The following DOLK variants were observed in gnomAD, a reference collection of about 807,000 sequenced individuals.
The protein encoded by DOLK is dolichol kinase, also known as SEC59 homolog.
A neutral mutation model predicts 31.7 loss-of-function variants in DOLK; 20 were observed. The ratio of observed to expected loss-of-function variants is 0.63; its 90% CI spans 0.44 to 0.92. The LOEUF (loss-of-function observed/expected upper bound fraction) is 0.92, where lower values mean the gene tolerates loss of function less well. Ranked by LOEUF, DOLK falls within the 40% of genes least tolerant of loss-of-function variation. DOLK has a pLI of 0.00. For synonymous variants in DOLK, 309 were observed against 287.0 expected, an observed-to-expected ratio of 1.08 and a Z score of -0.77; for missense variants, 594 against 680.7, an observed-to-expected ratio of 0.87 and a Z score of 1.42.
rs1190815408 is a variant in DOLK, at chr9:128,946,322, TGGACTC to T, written c.976_981del (p.Glu326_Ser327del). On this transcript the variant is annotated inframe_deletion, in exon 1 of 1. Transcript: ENST00000372586. ...GCGATGGTGGGGGCCTGGTGCTTCTTGGACTCGGAAGATGACCGCTTGGCATTCTGG... is the reference window on the plus strand; with the variant it reads ...GCGATGGTGGGGGCCTGGTGCTTCTTGGAAGATGACCGCTTGGCATTCTGG... 1 of 1,613,954 alleles carries T rather than the reference TGGACTC, an allele frequency of 6.2e-7. No individual in the cohort carries two copies. Among genetic ancestry groups the T allele is most frequent in the African/African-American group, 1.3e-5 (1 of 74,886 alleles).
rs554425491 is a variant in DOLK at position 128,947,566 on chromosome 9, T to C, written c.-263A>G. 7.8e-6 allele frequency: 8 copies of C among 1,031,352 alleles called. No individual in the cohort carries two copies. In the African/African-American group the frequency reaches 9.7e-5, roughly 13 times the overall value. The allele number at this position is 1,031,352 out of a possible 1,614,324, so 63.9% of individuals were successfully genotyped here. On this transcript the variant is annotated 5_prime_UTR_variant, in exon 1 of 1. Transcript: ENST00000372586. ...TCCTCACAGTTACAGCCGCCCCCGC[T>C]GCCGGCTCCTCACCTCTTTGGGCCT...
At position 128,947,118 on chromosome 9, in the gene DOLK, C is replaced by T. The variant is rs148171062; in HGVS notation, c.186G>A (p.Arg62=). The part of the protein sequence containing the change: ...QAFYVQYKWD[R]LLQQGSAVFQ... ...AGACGGCGCTTCCCTGCTGTAGCAG[C>T]CGGTCCCACTTGTATTGGACGTAGA... is the stretch of plus-strand genomic sequence containing the variant. The change falls in exon 1 of 1, where the codon CGG becomes CGA. Residue 62 remains arginine, a synonymous_variant. Coordinates refer to ENST00000372586, the MANE Select transcript of DOLK (RefSeq NM_014908.4). 4,519 of 1,614,016 alleles carry T rather than the reference C, an allele frequency of 2.8e-3. 19 individuals carry two copies. The highest frequency in any genetic ancestry group is 2.6e-3 in the Non-Finnish European group (3,024 of 1,180,030).
Position 128,947,530 on chromosome 9 carries a change from C to T in DOLK, c.-227G>A, listed in dbSNP as rs1337189908. The T allele has an allele frequency of 5.5e-6, 5 of 916,284 alleles. No individual in the cohort carries two copies. The highest frequency in any genetic ancestry group is 8.2e-6 in the Non-Finnish European group (5 of 611,468). 56.8% of individuals were successfully genotyped at this position (916,284 alleles called of 1,614,324 possible). On this transcript the variant is annotated 5_prime_UTR_variant, in exon 1 of 1. It adds an upstream start codon to the 5' untranslated region. Transcript: ENST00000372586. ...CCAACCTACGGCGTAGACGTCGCCACTCTGCAGCCTTCCTCACAGTTACAG... is the reference window on the plus strand; with the variant it reads ...CCAACCTACGGCGTAGACGTCGCCATTCTGCAGCCTTCCTCACAGTTACAG...
rs911425438 is a variant in DOLK at position 128,947,169 on chromosome 9, GCAC to G, written c.132_134del (p.Trp44del). On this transcript the variant is annotated inframe_deletion, in exon 1 of 1. Coordinates refer to ENST00000372586, the MANE Select transcript of DOLK (RefSeq NM_014908.4). ...AGGCCTGCACTGCGAGGGCCACGGCGCACCACGAGTATCGGTCCCATACGGTTG... is the reference window on the plus strand; with the variant it reads ...AGGCCTGCACTGCGAGGGCCACGGCGCACGAGTATCGGTCCCATACGGTTG... 1 of 1,613,244 alleles carries G rather than the reference GCAC, an allele frequency of 6.2e-7. No homozygotes were observed. Among genetic ancestry groups the G allele is most frequent in the East Asian group, 2.2e-5 (1 of 44,852 alleles).
rs765475110 is a variant in DOLK, at chr9:128,946,585, A to G, written c.719T>C (p.Phe240Ser). Residue 240 changes from phenylalanine (F) to serine (S), a missense_variant, in exon 1 of 1, where the codon TTC becomes TCC. Transcript: ENST00000372586. ...VVVGMVLMGI[F>S]FSTLFVFMDS... ...CATGAAGACAAACAGAGTGCTGAAG[A>G]AAATGCCCATGAGTACCATCCCTAC... is the stretch of plus-strand genomic sequence containing the variant. 4 of 1,613,978 alleles carry G rather than the reference A, an allele frequency of 2.5e-6. No individual in the cohort carries two copies. Among genetic ancestry groups the G allele is most frequent in the Non-Finnish European group, 2.5e-6 (3 of 1,180,022 alleles).
chr9:128,947,397 C>CA lies in DOLK; in HGVS notation c.-95dup, dbSNP rs1401444696. On this transcript the variant is annotated 5_prime_UTR_variant, in exon 1 of 1. Coordinates refer to ENST00000372586, the MANE Select transcript of DOLK (RefSeq NM_014908.4). ...CCCGTCAAGCAGAGGGAGGCACTTT[C>CA]ACCCGGCCAGCAACCTTCTCCCTCC... 18 of 1,495,170 alleles carry CA rather than the reference C, an allele frequency of 1.2e-5. No individual in the cohort carries two copies. Among genetic ancestry groups the CA allele is most frequent in the Non-Finnish European group, 1.7e-5 (18 of 1,085,420 alleles). 92.6% of individuals were successfully genotyped at this position (1,495,170 alleles called of 1,614,324 possible).
rs750733060 is a variant in DOLK, at chr9:128,946,161, G to A, written c.1143C>T (p.Ile381=). ...TCCGTAGAGTGTGACCCAAAGGCTTGATGCGGAAGTAGCGCACATACTCCA... is the reference window on the plus strand; with the variant it reads ...TCCGTAGAGTGTGACCCAAAGGCTTAATGCGGAAGTAGCGCACATACTCCA... ...IFLEYVRYFR[I]KPLGHTLRSF... is the part of the protein sequence containing the mutation. The change falls in exon 1 of 1, where the codon ATC becomes ATT. Residue 381 remains isoleucine (I), a synonymous_variant. Coordinates refer to ENST00000372586, the MANE Select transcript of DOLK (RefSeq NM_014908.4). 1.2e-5 allele frequency: 19 copies of A among 1,614,114 alleles called. No homozygotes were observed. The highest frequency in any genetic ancestry group is 1.6e-5 in the Non-Finnish European group (19 of 1,180,048).
In DOLK at chr9:128,945,768, A is replaced by C. The variant is rs758093273; in HGVS notation, c.1536T>G (p.Thr512=). 1.2e-6 allele frequency: 2 copies of C among 1,614,216 alleles called. No individual in the cohort carries two copies. The highest frequency in any genetic ancestry group is 3.3e-5 in the Admixed American group (2 of 60,024). The change falls in exon 1 of 1, where the codon ACT becomes ACG. Residue 512 remains threonine (T), a synonymous_variant. Transcript: ENST00000372586. ...TAGTGTATGCTTCCAGGAGGGACAC[A>C]GTGCTGATGGACCCCAAAATCCAAG... ...SYAWILGSIS[T]VSLLEAYTTQ...
Position 128,946,420 on chromosome 9 carries a change from T to G in DOLK, c.884A>C (p.Asp295Ala), listed in dbSNP as rs1588262313. ...LWLLQFLFQT[D>A]TRIYLLAYWS... is the part of the protein sequence containing the mutation. The stretch of plus-strand genomic sequence containing the variant: ...ATAGGCTAGGAGGTAGATGCGGGTG[T>G]CTGTCTGGAAGAGAAACTGAAGAAG... The change falls in exon 1 of 1, where the codon GAC becomes GCC. Residue 295 changes from aspartate to alanine, a missense_variant. Transcript: ENST00000372586. 1 of 1,614,010 alleles carries G rather than the reference T, an allele frequency of 6.2e-7. No individual in the cohort carries two copies. The highest frequency in any genetic ancestry group is 8.5e-7 in the Non-Finnish European group (1 of 1,179,990).
rs780038695 is a variant in DOLK at position 128,946,339 on chromosome 9, C to T, written c.965G>A (p.Arg322Gln). 14 of 1,613,990 alleles carry T rather than the reference C, an allele frequency of 8.7e-6. No homozygotes were observed. The highest frequency in any genetic ancestry group is 1.6e-4 in the Middle Eastern group (1 of 6,062). ...GTGCTTCTTGGACTCGGAAGATGACCGCTTGGCATTCTGGTACAGCACCAC... is the reference window on the plus strand; with the variant it reads ...GTGCTTCTTGGACTCGGAAGATGACTGCTTGGCATTCTGGTACAGCACCAC... ...CLVVLYQNAKRSSSESKKHQA... is the reference protein window; with the variant it reads ...CLVVLYQNAKQSSSESKKHQA... Residue 322 changes from arginine (R) to glutamine (Q), a missense_variant, in exon 1 of 1, where the codon CGG becomes CAG. By Grantham distance (43) the Arg-to-Gln change is conservative (BLOSUM62 1). Transcript: ENST00000372586.
chr9:128,945,708 G>A lies in DOLK; in HGVS notation c.1596C>T (p.Leu532=). The part of the protein sequence containing the change: ...QIDNLLLPLY[L]LILLMA ...ACAGCTAGGCCATCAGCAATATCAG[G>A]AGGTAGAGAGGCAGAAGGAGATTGT... Residue 532 remains leucine, a synonymous_variant, in exon 1 of 1, where the codon CTC becomes CTT. Coordinates refer to ENST00000372586, the MANE Select transcript of DOLK (RefSeq NM_014908.4). The A allele has an allele frequency of 3.1e-6, 5 of 1,614,114 alleles. No homozygotes were observed. The highest frequency in any genetic ancestry group is 4.2e-6 in the Non-Finnish European group (5 of 1,180,032).
rs941388371 is a variant in DOLK, at chr9:128,945,586, T to G, written c.*101A>C. 6 of 1,428,960 alleles carry G rather than the reference T, an allele frequency of 4.2e-6. No homozygotes were observed. Among genetic ancestry groups the G allele is most frequent in the Non-Finnish European group, 4.9e-6 (5 of 1,015,548 alleles). 88.5% of individuals were successfully genotyped at this position (1,428,960 alleles called of 1,614,324 possible). The stretch of plus-strand genomic sequence containing the variant: ...AATCAACTGAAAAATCAAATCTGCT[T>G]TTCACACCTTGGCTCTTCATGCCCA... On this transcript the variant is annotated 3_prime_UTR_variant, in exon 1 of 1. Coordinates refer to ENST00000372586, the MANE Select transcript of DOLK (RefSeq NM_014908.4).
In DOLK at chr9:128,947,418, C is replaced by T. The variant is rs1180516631; in HGVS notation, c.-115G>A. The T allele has an allele frequency of 3.0e-6, 4 of 1,343,644 alleles. No individual in the cohort carries two copies. In the African/African-American group the frequency reaches 4.3e-5, roughly 15 times the overall value. The allele number at this position is 1,343,644 out of a possible 1,614,324, so 83.2% of individuals were successfully genotyped here. On this transcript the variant is annotated 5_prime_UTR_variant, in exon 1 of 1. Transcript: ENST00000372586. ...CTTTCACCCGGCCAGCAACCTTCTC[C>T]CTCCGTTCTCCAGCAGCGAGGAGGG...
chr9:128,947,033 G>A lies in DOLK; in HGVS notation c.271C>T (p.Leu91Phe). 6.2e-7 allele frequency: 1 copy of A among 1,613,050 alleles called. No homozygotes were observed. Among genetic ancestry groups the A allele is most frequent in the South Asian group, 1.1e-5 (1 of 91,084 alleles). ...LLPASMVMPLLGLVMKERCQT... is the reference protein window; with the variant it reads ...LLPASMVMPLFGLVMKERCQT... ...CACCGCTCCTTCATGACTAGTCCAA[G>A]CAAAGGCATGACCATGGAGGCGGGC... Residue 91 changes from leucine (L) to phenylalanine (F), a missense_variant, in exon 1 of 1, where the codon CTT (leucine) becomes TTT (phenylalanine). Leu to Phe is a conservative substitution (Grantham distance 22). Transcript: ENST00000372586.
rs1329633231 is a variant in DOLK, at chr9:128,946,815, C to A, written c.489G>T (p.Glu163Asp). 1.9e-6 allele frequency: 3 copies of A among 1,613,432 alleles called. No homozygotes were observed. In the African/African-American group the frequency reaches 4.0e-5, roughly 22 times the overall value. Residue 163 changes from glutamate (E) to aspartate (D), a missense_variant, in exon 1 of 1, where the codon GAG (glutamate) becomes GAT (aspartate). Transcript: ENST00000372586. The stretch of plus-strand genomic sequence containing the variant: ...GAAGGACTTCCAGGACTTCGATCAC[C>A]TCCCCCACGCTCAACGAGTGCTTCA... ...YIMKHSLSVG[E>D]VIEVLEVLLI...
Position 128,946,098 on chromosome 9 carries a change from T to A in DOLK, c.1206A>T (p.Gly402=), listed in dbSNP as rs1326794482. The A allele has an allele frequency of 6.2e-7, 1 of 1,613,958 alleles. No individual in the cohort carries two copies. Among genetic ancestry groups the A allele is most frequent in the Non-Finnish European group, 8.5e-7 (1 of 1,180,014 alleles). ...GGTAGATGTGTGTCAGAATGAGTGGTCCACTGTCTCGTTCATCCAGAAAAA... is the reference window on the plus strand; with the variant it reads ...GGTAGATGTGTGTCAGAATGAGTGGACCACTGTCTCGTTCATCCAGAAAAA... ...LSLFLDERDS[G]PLILTHIYLL... Residue 402 remains glycine, a synonymous_variant, in exon 1 of 1, where the codon GGA becomes GGT. Transcript: ENST00000372586.
Position 128,947,594 on chromosome 9 carries a change from C to A in DOLK, c.-291G>T. On this transcript the variant is annotated 5_prime_UTR_variant, in exon 1 of 1. Transcript: ENST00000372586. ...CGGCTCCTCACCTCTTTGGGCCTCG[C>A]CATCTTGGCACCGCCCCGCGGCAAC... 1 of 1,230,182 alleles carries A rather than the reference C, an allele frequency of 8.1e-7. No individual in the cohort carries two copies. The highest frequency in any genetic ancestry group is 1.1e-6 in the Non-Finnish European group (1 of 909,424). The allele number at this position is 1,230,182 out of a possible 1,614,324, so 76.2% of individuals were successfully genotyped here. A position where few individuals can be genotyped will look rare whatever the true frequency, so the allele number is the denominator to read the frequency against.
chr9:128,947,218 G>A lies in DOLK; in HGVS notation c.86C>T (p.Ala29Val), dbSNP rs1401208309. Residue 29 changes from alanine to valine, a missense_variant, in exon 1 of 1, where the codon GCA becomes GTA. Physicochemically the swap from Ala to Val is moderately conservative, Grantham distance 64 (BLOSUM62 0). Coordinates refer to ENST00000372586, the MANE Select transcript of DOLK (RefSeq NM_014908.4). ...SVLAEAAVVFAVVLSIHATVW... is the reference protein window; with the variant it reads ...SVLAEAAVVFVVVLSIHATVW... The stretch of plus-strand genomic sequence containing the variant: ...GGTTGCGTGGATGCTCAGCACCACT[G>A]CAAACACTACTGCCGCCTCTGCCAG... 1.2e-6 allele frequency: 2 copies of A among 1,612,920 alleles called. No individual in the cohort carries two copies. The highest frequency in any genetic ancestry group is 2.7e-5 in the African/African-American group (2 of 74,914).
In DOLK at chr9:128,946,316, G is replaced by C. The variant is rs1026201752; in HGVS notation, c.988C>G (p.His330Asp). 1.2e-6 allele frequency: 2 copies of C among 1,614,170 alleles called. No individual in the cohort carries two copies. Among genetic ancestry groups the C allele is most frequent in the South Asian group, 2.2e-5 (2 of 91,088 alleles). Reference sequence around the variant, plus strand: ...TTTCGGGCGATGGTGGGGGCCTGGTGCTTCTTGGACTCGGAAGATGACCGC... The same window carrying C: ...TTTCGGGCGATGGTGGGGGCCTGGTCCTTCTTGGACTCGGAAGATGACCGC... ...AKRSSSESKK[H>D]QAPTIARKYF... is the part of the protein sequence containing the mutation. Residue 330 changes from histidine to aspartate, a missense_variant, in exon 1 of 1, where the codon CAC becomes GAC. Coordinates refer to ENST00000372586, the MANE Select transcript of DOLK (RefSeq NM_014908.4).
Sources: gnomAD v4.1 joint callset for allele counts on GRCh38, gnomAD v4.1.1 for gene constraint, MANE v1.5 for transcripts, NCBI Gene and HGNC (gene_info 2026-07-23, HGNC 2026-07-21) for gene names.